Variants in NRXN3 observed in about 807,000 individuals in gnomAD.
The protein encoded by NRXN3 is neurexin III.
A neutral mutation model predicts 137.6 loss-of-function variants in NRXN3; 32 were observed. The observed-to-expected ratio is 0.23, with a 90% CI of 0.18 to 0.31. The LOEUF is 0.31. Ranked by LOEUF, NRXN3 falls within the 10% of genes least tolerant of loss-of-function variation. The probability of loss-of-function intolerance (pLI) is 1.00; values close to 1 mark genes in which losing one functional copy is unlikely to be tolerated. For missense variants in NRXN3, 1,574 were observed against 2,062.5 expected, an observed-to-expected ratio of 0.76 and a Z score of 4.59; for synonymous variants, 798 against 784.5, an observed-to-expected ratio of 1.02 and a Z score of -0.29.
At chr14:78,726,446 T>G (rs1428648989) in intron 8 of NRXN3, among the ~76,000 whole-genome samples, 1 of 115,508 alleles carries the variant, frequency 8.7e-6, no homozygotes, top group African/African-American at 3.3e-5. Flanking sequence ...GGTATTTGGT[T>G]TTCTGTTCTT....
chr14:78,614,355 A>G (rs191923794), intron 4 of NRXN3, among the ~76,000 whole-genome samples: 56 of 152,356 alleles, frequency 3.7e-4, no homozygotes, highest in African/African-American at 1.3e-3. Context: ...TTTACTAAAA[A>G]GATCTTGTGA....
chr14:79,201,562 T>G (rs1246053837), intron 15 of NRXN3: 1 of 152,180 alleles, frequency 6.6e-6, no homozygotes, highest in African/African-American at 2.4e-5. Flanking sequence ...GAATGTTGAC[T>G]CTACTTTCTT....
intron 10 of NRXN3, among the ~76,000 whole-genome samples, chr14:78,832,748 A>G (rs1187158309): frequency 2.0e-5 from 3 of 152,220 alleles, no homozygotes; most frequent in Admixed American, 2.0e-4. Context: ...ATAATGCCAA[A>G]TACTGGAATC....
intron 20 of NRXN3, among the ~76,000 whole-genome samples, chr14:79,834,651 C>CT (rs1309897858): frequency 6.6e-6 from 1 of 152,078 alleles, no homozygotes; most frequent in Non-Finnish European, 1.5e-5. Context: ...GAGCGGTACT[C>CT]TAAGTTAACA....
At chr14:79,002,859 C>T (rs1189825051) in intron 15 of NRXN3, among the ~76,000 whole-genome samples, 1 of 152,128 alleles carries the variant, frequency 6.6e-6, no homozygotes, top group Non-Finnish European at 1.5e-5. Context: ...TCCTGTTTCT[C>T]CACAACCTTG....
chr14:79,078,869 T>A (rs5023075), intron 15 of NRXN3, among the ~76,000 whole-genome samples: 146,374 of 152,134 alleles, frequency 0.96, 70,552 homozygotes, highest in Middle Eastern at 0.99. Context: ...ATACTAGATG[T>A]TCTATAAGCC....
intron 1 of NRXN3, among the ~76,000 whole-genome samples, chr14:78,224,201 C>T (rs537733558): frequency 1.2e-3 from 174 of 147,060 alleles, no homozygotes; most frequent in Non-Finnish European, 1.9e-3. Flanking sequence ...TTTTTTTTAA[C>T]TTTTAAAGTT....
intron 19 of NRXN3, among the ~76,000 whole-genome samples, chr14:79,769,104 C>T (rs887366732): frequency 2.0e-5 from 3 of 151,730 alleles, no homozygotes; most frequent in African/African-American, 7.2e-5. Flanking sequence ...GCAAAGCCTC[C>T]AAGAAATATG....
At chr14:79,178,978 T>C (rs1364696423) in intron 15 of NRXN3, among the ~76,000 whole-genome samples, 1 of 152,196 alleles carries the variant, frequency 6.6e-6, no homozygotes, top group Non-Finnish European at 1.5e-5. Context: ...GGCTTTTCTT[T>C]CTACTAGAGG....
At position 78,904,592 on chromosome 14, in the gene NRXN3, C is replaced by T. The variant is rs138976849; in HGVS notation, c.2276-52650C>T. Among the ~76,000 whole-genome samples the T allele has an allele frequency of 4.3e-3, 657 of 152,102 alleles. 3 individuals are homozygous for T. The highest frequency in any genetic ancestry group is 9.0e-3 in the Admixed American group (137 of 15,252). ...ATTTCTAGAGAGAACCTCAACCTCT[C>T]CCTCGAATTCTAGCTTCTTATTTTC... On this transcript the variant is annotated intron_variant, in intron 10 of 20. Transcript: ENST00000335750.
intron 15 of NRXN3, among the ~76,000 whole-genome samples, chr14:79,316,729 C>CCTCTCTCTCTCTCTCTCT (rs35515937): frequency 8.3e-4 from 115 of 138,000 alleles, no homozygotes; most frequent in African/African-American, 3.0e-3. Context: ...CTGTCCTGTC[C>CCTCTCTCTCTCTCTCTCT]CTCTCTCTCT....
chr14:78,759,221 C>A (rs1417230296), intron 8 of NRXN3, among the ~76,000 whole-genome samples: 2 of 151,966 alleles, frequency 1.3e-5, no homozygotes, highest in African/African-American at 2.4e-5. Context: ...CTCATGTAAT[C>A]AATGCCATCT....
intron 16 of NRXN3, among the ~76,000 whole-genome samples, chr14:79,634,638 C>G (rs1204618891): frequency 6.6e-6 from 1 of 152,110 alleles, no homozygotes; most frequent in Non-Finnish European, 1.5e-5. Context: ...AGGGACATGT[C>G]TGCAGTATTT....
intron 4 of NRXN3, among the ~76,000 whole-genome samples, chr14:78,519,605 T>C (rs1203033423): frequency 6.6e-6 from 1 of 152,092 alleles, no homozygotes; most frequent in Non-Finnish European, 1.5e-5. Flanking sequence ...CTCAGTCTAT[T>C]TGTAGAGGTG....
chr14:79,610,644 T>C (rs2098087382), intron 16 of NRXN3, among the ~76,000 whole-genome samples: 1 of 152,212 alleles, frequency 6.6e-6, no homozygotes, highest in Non-Finnish European at 1.5e-5. Context: ...TCAATATTTG[T>C]GTTGGTTGAC....
chr14:78,184,318 A>G (rs897913683), intron 1 of NRXN3, among the ~76,000 whole-genome samples: 1 of 152,258 alleles, frequency 6.6e-6, no homozygotes, highest in African/African-American at 2.4e-5. Flanking sequence ...GATTTTTCAC[A>G]TAAAGATGCA....
chr14:78,697,663 G>A (rs1253097894), intron 6 of NRXN3, among the ~76,000 whole-genome samples: 2 of 152,106 alleles, frequency 1.3e-5, no homozygotes, highest in East Asian at 3.9e-4. Flanking sequence ...TCCCAAGAAA[G>A]GAGGGGACCT....
chr14:79,296,141 G>A (rs756871542), intron 15 of NRXN3, among the ~76,000 whole-genome samples: 44 of 152,114 alleles, frequency 2.9e-4, no homozygotes, highest in African/African-American at 1.0e-3. Context: ...GGTAAGGAAT[G>A]AGTCATTCAT....
At chr14:78,224,859 C>T (rs1449261871) in intron 1 of NRXN3, among the ~76,000 whole-genome samples, 2 of 149,174 alleles carry the variant, frequency 1.3e-5, no homozygotes, top group East Asian at 4.0e-4. Flanking sequence ...CTCCGCTTCC[C>T]AGGTTCACGC....
Sources: gnomAD v4.1 joint callset for allele counts (sites outside exome capture counted in the v4.1 genomes callset) on GRCh38, gnomAD v4.1.1 for gene constraint, MANE v1.5 for transcripts, NCBI Gene and HGNC (gene_info 2026-07-23, HGNC 2026-07-21) for gene names.